The following COPE variants were observed in gnomAD, a reference collection of about 807,000 sequenced individuals.
The protein encoded by COPE is coat protein complex I subunit epsilon, also known as coatomer subunit epsilon.
COPE carries 19 observed loss-of-function variants against 42.1 expected under a neutral mutation model. The observed-to-expected ratio is 0.45, with a 90% confidence interval of 0.31 to 0.66. The LOEUF (loss-of-function observed/expected upper bound fraction) is 0.66, where lower values mean the gene tolerates loss of function less well. Among genes scored for constraint, COPE ranks in the 30% least tolerant of loss-of-function variants. The pLI, the probability that COPE is intolerant of heterozygous loss-of-function variation, is 0.05. For missense variants in COPE, 402 were observed against 416.1 expected, an observed-to-expected ratio of 0.97 and a Z score of 0.30; for synonymous variants, 195 against 181.3, an observed-to-expected ratio of 1.08 and a Z score of -0.60.
chr19:18,907,470 C>T (rs936662094), intron 3 of COPE, among the ~76,000 whole-genome samples: 5 of 152,198 alleles, frequency 3.3e-5, no homozygotes, highest in Non-Finnish European at 5.9e-5. Flanking sequence ...TTCAAGGCCA[C>T]GTCTTCTAGC....
chr19:18,915,509 C>G (rs527332311), intron 1 of COPE, among the ~76,000 whole-genome samples: 1 of 152,336 alleles, frequency 6.6e-6, no homozygotes, highest in South Asian at 2.1e-4. Context: ...CATGTGTGTC[C>G]CCGGGGTGGG....
In COPE at chr19:18,913,054, A is replaced by T. The variant is rs1325662908; in HGVS notation, c.127-8T>A. ...TCTCTCTGGGCTTGATAGCTGTGGG[A>T]ACCAATGTGAGTCAGGACGCACAGT... On this transcript the variant is annotated splice_region_variant and splice_polypyrimidine_tract_variant and intron_variant, in intron 1 of 9. Coordinates refer to ENST00000262812, the MANE Select transcript of COPE (RefSeq NM_007263.4). 6.2e-7 allele frequency: 1 copy of T among 1,609,496 alleles called. No individual in the cohort carries two copies. The highest frequency in any genetic ancestry group is 1.7e-5 in the Admixed American group (1 of 60,010).
chr19:18,902,510 C>CA (rs1601208968), intron 7 of COPE, among the ~76,000 whole-genome samples: 2 of 148,458 alleles, frequency 1.3e-5, no homozygotes, highest in East Asian at 4.0e-4. Flanking sequence ...ACTAAAAATA[C>CA]AAAAATTAGC....
chr19:18,905,251 G>A (rs2056747793), intron 5 of COPE, among the ~76,000 whole-genome samples: 1 of 152,146 alleles, frequency 6.6e-6, no homozygotes, highest in East Asian at 1.9e-4. Context: ...TGCAGGCCCC[G>A]CCAGCCCCAC....
At chr19:18,909,417 C>T (rs2145070120) in intron 3 of COPE, among the ~76,000 whole-genome samples, 1 of 152,294 alleles carries the variant, frequency 6.6e-6, no homozygotes, top group Non-Finnish European at 1.5e-5. Context: ...CCAGGCCTCT[C>T]TCCCAGCTCT....
intron 1 of COPE, 35 bp from the exon 2 acceptor site, chr19:18,913,081 G>C: frequency 6.3e-7 from 1 of 1,589,276 alleles, no homozygotes; most frequent in African/African-American, 1.3e-5. Flanking sequence ...ACGCACAGTG[G>C]GAGGCCCAGC....
At chr19:18,902,383 G>A (rs976245841) in intron 7 of COPE, among the ~76,000 whole-genome samples, 7 of 150,622 alleles carry the variant, frequency 4.6e-5, no homozygotes, top group African/African-American at 1.7e-4. Flanking sequence ...GACTGCAGAT[G>A]GCCAGGCGTG....
intron 6 of COPE, among the ~76,000 whole-genome samples, chr19:18,903,888 G>C (rs1006444186): frequency 1.5e-4 from 23 of 152,216 alleles, no homozygotes; most frequent in African/African-American, 5.3e-4. Context: ...GGTCTGCCGG[G>C]GCCTGTCCTA....
chr19:18,906,638 C>T, intron 4 of COPE: 1 of 249,890 alleles, frequency 4.0e-6, no homozygotes, highest in Non-Finnish European at 7.7e-6. Context: ...AGAGACTGGG[C>T]CCAGGGCCGA....
chr19:18,919,355 G>A lies in COPE; in HGVS notation c.-7C>T, dbSNP rs1393125683. On this transcript the variant is annotated 5_prime_UTR_variant, in exon 1 of 10. Coordinates refer to ENST00000262812, the MANE Select transcript of COPE (RefSeq NM_007263.4). ...CGGGGGCCGGAGGCGCCATTTCGCT[G>A]TCTTCTCACCAGCTCCTCTTCCTGA... The A allele has an allele frequency of 1.2e-6, 2 of 1,613,378 alleles. No homozygotes were observed. Among genetic ancestry groups the A allele is most frequent in the East Asian group, 2.2e-5 (1 of 44,884 alleles).
intron 2 of COPE, among the ~76,000 whole-genome samples, chr19:18,912,093 C>T (rs1204420073): frequency 2.0e-5 from 3 of 152,082 alleles, no homozygotes; most frequent in East Asian, 1.9e-4. Flanking sequence ...GTGATCTGCC[C>T]GCCTTGGCCT....
At chr19:18,907,157 G>A (rs961539376) in intron 3 of COPE, 45 bp from the exon 4 acceptor site, 28 of 1,589,300 alleles carry the variant, frequency 1.8e-5, no homozygotes, top group Non-Finnish European at 2.4e-5. Context: ...GGTGGCCTCT[G>A]TGGGACCTCA....
intron 1 of COPE, among the ~76,000 whole-genome samples, chr19:18,914,419 T>C (rs1005827203): frequency 2.0e-5 from 3 of 151,930 alleles, no homozygotes; most frequent in African/African-American, 7.3e-5. Context: ...CGGGCGCCTA[T>C]AATCCCAGCT....
chr19:18,906,880 G>A (rs750841297), intron 4 of COPE, 80 bp downstream of exon 4: 5 of 1,439,842 alleles, frequency 3.5e-6, no homozygotes, highest in Non-Finnish European at 3.7e-6. Flanking sequence ...ACGACAGCCA[G>A]CGAGGCCGTG....
intron 1 of COPE, among the ~76,000 whole-genome samples, chr19:18,918,591 C>G (rs958493863): frequency 2.6e-5 from 4 of 152,250 alleles, no homozygotes; most frequent in African/African-American, 9.6e-5. Context: ...TGCCCGCCAC[C>G]ACGCCCGGCT....
intron 3 of COPE, among the ~76,000 whole-genome samples, chr19:18,909,055 C>T (rs1009180087): frequency 6.6e-6 from 1 of 152,200 alleles, no homozygotes; most frequent in Non-Finnish European, 1.5e-5. Flanking sequence ...GTCCCCGGGG[C>T]GTCCTGCCAA....
Position 18,903,357 on chromosome 19 carries a change from G to T in COPE, c.646C>A (p.Leu216Met). Reference protein sequence around the residue: ...QEMADKCSPTLLLLNGQAACH... With the variant: ...QEMADKCSPTMLLLNGQAACH... ...GCCGCCTGCCCATTGAGCAGCAGCAGGGTGGGCGAGCACTTGTCAGCCATC... is the reference window on the plus strand; with the variant it reads ...GCCGCCTGCCCATTGAGCAGCAGCATGGTGGGCGAGCACTTGTCAGCCATC... The change falls in exon 7 of 10, where the codon CTG (leucine) becomes ATG (methionine). Residue 216 changes from leucine to methionine, a missense_variant. Coordinates refer to ENST00000262812, the MANE Select transcript of COPE (RefSeq NM_007263.4). The T allele has an allele frequency of 2.5e-6, 4 of 1,612,918 alleles. No individual in the cohort carries two copies. Among genetic ancestry groups the T allele is most frequent in the Non-Finnish European group, 3.4e-6 (4 of 1,179,592 alleles).
At chr19:18,906,071 G>A (rs1029574509) in intron 4 of COPE, 7 of 402,166 alleles carry the variant, frequency 1.7e-5, no homozygotes, top group Non-Finnish European at 3.1e-5. Flanking sequence ...CTCAGCCCCA[G>A]GTGGCTGTGA....
intron 3 of COPE, among the ~76,000 whole-genome samples, chr19:18,910,263 C>A (rs75301283): frequency 4.7e-4 from 71 of 152,314 alleles, no homozygotes; most frequent in African/African-American, 1.7e-3. Flanking sequence ...GTGGCCTCAC[C>A]CACCCTCCCA....
Sources: gnomAD v4.1 joint callset for allele counts (sites outside exome capture counted in the v4.1 genomes callset) on GRCh38, gnomAD v4.1.1 for gene constraint, MANE v1.5 for transcripts, NCBI Gene and HGNC (gene_info 2026-07-23, HGNC 2026-07-21) for gene names.